The following ATP6V0D1 variants were observed in gnomAD, a reference collection of about 807,000 sequenced individuals.
The protein encoded by ATP6V0D1 is ATPase H+ transporting V0 subunit d1, also known as V-type proton ATPase subunit d 1.
ATP6V0D1 carries 13 observed loss-of-function variants against 39.0 expected under a neutral mutation model. The observed-to-expected ratio is 0.33, with a 90% CI of 0.22 to 0.53. The LOEUF (loss-of-function observed/expected upper bound fraction) is 0.53. Among genes scored for constraint, ATP6V0D1 ranks in the 20% least tolerant of loss-of-function variants. The pLI, the probability that ATP6V0D1 is intolerant of heterozygous loss-of-function variation, is 0.94. For missense variants in ATP6V0D1, 272 were observed against 470.9 expected, an observed-to-expected ratio of 0.58 and a Z score of 3.91; for synonymous variants, 191 against 191.2, an observed-to-expected ratio of 1.00 and a Z score of 0.01.
chr16:67,455,500 T>C (rs2041229022), intron 1 of ATP6V0D1: 1 of 152,170 alleles, frequency 6.6e-6, no homozygotes, highest in Non-Finnish European at 1.5e-5. Flanking sequence ...TGGGCACTCA[T>C]GGAGTGAACT....
At chr16:67,474,846 T>C (rs1158636028) in intron 1 of ATP6V0D1, among the ~76,000 whole-genome samples, 3 of 152,160 alleles carry the variant, frequency 2.0e-5, no homozygotes, top group Non-Finnish European at 2.9e-5. Context: ...GTGTTCCTTC[T>C]CCTACATGCC....
chr16:67,462,506 C>CA (rs2041296401), intron 1 of ATP6V0D1, among the ~76,000 whole-genome samples: 2 of 152,162 alleles, frequency 1.3e-5, no homozygotes, highest in Non-Finnish European at 2.9e-5. Context: ...CAAGGAAGGC[C>CA]AGTTATGGCA....
intron 2 of ATP6V0D1, among the ~76,000 whole-genome samples, chr16:67,450,769 G>T (rs188420383): frequency 3.2e-4 from 49 of 152,342 alleles, no homozygotes; most frequent in African/African-American, 1.1e-3. Context: ...CGGAAGGGAA[G>T]GTGCCTGCAC....
chr16:67,452,432 G>A (rs1192100972), intron 2 of ATP6V0D1: 1 of 1,531,402 alleles, frequency 6.5e-7, no homozygotes. Context: ...CCTAACTGCA[G>A]GGGATAAGAA....
chr16:67,451,843 G>A (rs1464900381), intron 2 of ATP6V0D1, among the ~76,000 whole-genome samples: 1 of 152,248 alleles, frequency 6.6e-6, no homozygotes, highest in Non-Finnish European at 1.5e-5. Flanking sequence ...GTCACGCTCA[G>A]AGCCCTCTCC....
chr16:67,466,326 T>TACACACAC lies in ATP6V0D1; in HGVS notation c.131-12619_131-12612dup, dbSNP rs536624557. Among the ~76,000 whole-genome samples the TACACACAC allele has an allele frequency of 9.5e-4, 114 of 120,580 alleles. 2 individuals are homozygous for TACACACAC. The highest frequency in any genetic ancestry group is 4.0e-3 in the South Asian group (14 of 3,522). The allele number at this position is 120,580 out of a possible 152,430, so 79.1% of individuals were successfully genotyped here. ...AGAAACCCTGTATCTAGTAAACACA[T>TACACACAC]ACACACACACACACACACACACACA... On this transcript the variant is annotated intron_variant, in intron 1 of 7. Transcript: ENST00000290949.
At chr16:67,480,920 A>G (rs1165487154) in intron 1 of ATP6V0D1, 37 bp downstream of exon 1, 1 of 1,610,574 alleles carries the variant, frequency 6.2e-7, no homozygotes, top group Non-Finnish European at 8.5e-7. Flanking sequence ...CAGGCCCCGG[A>G]CAGCCTCTAT....
rs753050910 is a variant in ATP6V0D1 at position 67,439,031 on chromosome 16, C to T, written c.756G>A (p.Leu252=). ...AGTCGTCAGCCCGAGCCAGCTGCGC[C>T]AGGCCCTCAGGGTAGAGCCGCCCAC... is the stretch of plus-strand genomic sequence containing the variant. ...PHCGRLYPEG[L]AQLARADDYE... The change falls in exon 6 of 8, where the codon CTG becomes CTA. Residue 252 remains leucine, a synonymous_variant. Transcript: ENST00000290949. The T allele has an allele frequency of 4.3e-6, 7 of 1,614,092 alleles. No individual in the cohort carries two copies. Among genetic ancestry groups the T allele is most frequent in the African/African-American group, 1.3e-5 (1 of 74,942 alleles).
At chr16:67,478,151 C>T (rs1318582553) in intron 1 of ATP6V0D1, among the ~76,000 whole-genome samples, 1 of 152,132 alleles carries the variant, frequency 6.6e-6, no homozygotes, top group Non-Finnish European at 1.5e-5. Flanking sequence ...GCTGTTAATA[C>T]ACCAGTTGAA....
rs376818637 is a variant in ATP6V0D1 at position 67,480,300 on chromosome 16, C to G, written c.130+657G>C. The stretch of plus-strand genomic sequence containing the variant: ...CTCATTACTCTTGTGCTCAGAAACC[C>G]TGTCCCAACAGGCATCCCCCTCGCT... On this transcript the variant is annotated intron_variant, in intron 1 of 7. Transcript: ENST00000290949. 1.2e-4 allele frequency among the ~76,000 whole-genome samples: 18 copies of G among 152,222 alleles called. No homozygotes were observed. The East Asian group carries it at 1.9e-3, about 16-fold the overall frequency.
Position 67,439,061 on chromosome 16 carries a change from T to C in ATP6V0D1, c.726A>G (p.Pro242=). ...LSKEDRAKLF[P]HCGRLYPEGL... ...CCTCAGGGTAGAGCCGCCCACAGTG[T>C]GGAAAGAGCTTGGCACGGTCCTCTT... Residue 242 remains proline (P), a synonymous_variant, in exon 6 of 8, where the codon CCA becomes CCG. Coordinates refer to ENST00000290949, the MANE Select transcript of ATP6V0D1 (RefSeq NM_004691.5). The C allele has an allele frequency of 6.2e-7, 1 of 1,614,178 alleles. No individual in the cohort carries two copies. Among genetic ancestry groups the C allele is most frequent in the Non-Finnish European group, 8.5e-7 (1 of 1,180,036 alleles).
intron 1 of ATP6V0D1, among the ~76,000 whole-genome samples, chr16:67,470,387 C>T (rs1322547249): frequency 6.6e-6 from 1 of 152,216 alleles, no homozygotes; most frequent in East Asian, 1.9e-4. Flanking sequence ...CAGCATCATG[C>T]AGGAAGAGAC....
chr16:67,452,963 G>A (rs771686446), intron 2 of ATP6V0D1, among the ~76,000 whole-genome samples: 1 of 152,214 alleles, frequency 6.6e-6, no homozygotes, highest in Non-Finnish European at 1.5e-5. Flanking sequence ...CTGAGGGCTT[G>A]CGTCAGAACT....
At chr16:67,439,604 C>A (rs980754368) in intron 4 of ATP6V0D1, 6 of 558,242 alleles carry the variant, frequency 1.1e-5, no homozygotes, top group Admixed American at 3.1e-5. Context: ...CTGCTTCAGG[C>A]TACAGTCTCC....
At chr16:67,449,834 G>A (rs956885122) in intron 2 of ATP6V0D1, among the ~76,000 whole-genome samples, 17 of 152,256 alleles carry the variant, frequency 1.1e-4, no homozygotes, top group African/African-American at 3.1e-4. Flanking sequence ...TACTGGTTAT[G>A]TGTGCGGCTG....
chr16:67,440,607 C>T (rs1419324794), intron 4 of ATP6V0D1: 4 of 152,262 alleles, frequency 2.6e-5, no homozygotes, highest in South Asian at 2.1e-4. Flanking sequence ...GTCTGAACTC[C>T]AAGGTGTGGA....
chr16:67,465,992 G>C (rs554914508), intron 1 of ATP6V0D1, among the ~76,000 whole-genome samples: 19 of 152,146 alleles, frequency 1.2e-4, no homozygotes, highest in Non-Finnish European at 2.2e-4. Context: ...GCACCCCCTT[G>C]TGGTGGGAGG....
intron 2 of ATP6V0D1, among the ~76,000 whole-genome samples, chr16:67,445,073 C>T (rs9922624): frequency 0.22 from 32,878 of 152,156 alleles, 7,625 homozygotes; most frequent in African/African-American, 0.59. Context: ...GGGTGAAGAG[C>T]GTGAGAGCCT....
At position 67,438,409 on chromosome 16, in the gene ATP6V0D1, C is replaced by T. The variant is rs900198189; in HGVS notation, c.*119G>A. On this transcript the variant is annotated 3_prime_UTR_variant, in exon 8 of 8. Transcript: ENST00000290949. ...CAGCCGCTAGGACAGCGTACTACAC[C>T]CCGGACAGGCAGGTGAGCCACAGGC... 1.3e-5 allele frequency: 16 copies of T among 1,258,384 alleles called. No individual in the cohort carries two copies. The highest frequency in any genetic ancestry group is 1.8e-5 in the Non-Finnish European group (16 of 902,838). The allele number at this position is 1,258,384 out of a possible 1,614,324, so 78.0% of individuals were successfully genotyped here.
Sources: gnomAD v4.1 joint callset for allele counts (sites outside exome capture counted in the v4.1 genomes callset) on GRCh38, gnomAD v4.1.1 for gene constraint, MANE v1.5 for transcripts, NCBI Gene and HGNC (gene_info 2026-07-23, HGNC 2026-07-21) for gene names.